Variants in ZNF649 observed in about 807,000 individuals in gnomAD.
ZNF649 encodes zinc finger protein 649.
A neutral mutation model predicts 14.1 loss-of-function variants in ZNF649; 7 were observed. The ratio of observed to expected loss-of-function variants is 0.49; its 90% CI spans 0.28 to 0.93. The LOEUF is 0.93. ZNF649 is among the 40% of genes least tolerant of loss of function. The probability of loss-of-function intolerance (pLI) is 0.10; values close to 1 mark genes in which losing one functional copy is unlikely to be tolerated. For missense variants in ZNF649, 544 were observed against 608.1 expected, an observed-to-expected ratio of 0.89 and a Z score of 1.11; for synonymous variants, 227 against 212.3, an observed-to-expected ratio of 1.07 and a Z score of -0.60.
rs759632544 is a variant in ZNF649 at position 51,891,585 on chromosome 19, CCA to C, written c.549_550del (p.Cys183TrpfsTer12). The C allele has an allele frequency of 3.1e-6, 5 of 1,614,220 alleles. No homozygotes were observed. Among genetic ancestry groups the C allele is most frequent in the East Asian group, 2.2e-5 (1 of 44,882 alleles). On this transcript the variant is annotated frameshift_variant, in exon 5 of 5. Coordinates refer to ENST00000354957, the MANE Select transcript of ZNF649 (RefSeq NM_023074.4). LOFTEE classifies it low-confidence loss of function (END_TRUNC). This position sits in a 1 kb window ranked among gnomAD's most constrained non-coding sequence, Gnocchi z 4.2. ...CTGAGACTTCTTGAGGAAAGCTTTC[CCA>C]CAGTCAGTGCATTCATGGGCTTTCT...
intron 4 of ZNF649, among the ~76,000 whole-genome samples, chr19:51,892,437 G>C (rs1314023512): frequency 6.6e-6 from 1 of 152,008 alleles, no homozygotes; most frequent in Non-Finnish European, 1.5e-5. Context: ...CCAGCACTTT[G>C]GGAGGGTGAG....
chr19:51,901,888 C>G (rs1053005970), intron 1 of ZNF649, among the ~76,000 whole-genome samples: 4 of 143,422 alleles, frequency 2.8e-5, no homozygotes, highest in African/African-American at 1.1e-4. Context: ...GAGGTTGAGA[C>G]TGCAGTGAGT....
chr19:51,889,296 G>C lies in ZNF649; in HGVS notation c.*1322C>G, dbSNP rs1293528070. On this transcript the variant is annotated 3_prime_UTR_variant, in exon 5 of 5. Transcript: ENST00000354957. ...AATGTCCTTGAAGTTAGAATGATAA[G>C]TTCATGATTTTCTTTCAGTCAGTTC... 1 of 152,144 alleles carries C rather than the reference G, an allele frequency of 6.6e-6. No homozygotes were observed. Among genetic ancestry groups the C allele is most frequent in the Non-Finnish European group, 1.5e-5 (1 of 68,032 alleles). The allele number at this position is 152,144 out of a possible 1,614,324, so 9.4% of individuals were successfully genotyped here.
At chr19:51,900,934 A>G (rs944576669) in intron 1 of ZNF649, among the ~76,000 whole-genome samples, 5 of 152,226 alleles carry the variant, frequency 3.3e-5, no homozygotes, top group African/African-American at 9.7e-5. Context: ...CTCAGTCTAT[A>G]ATTATATTCA....
chr19:51,898,128 G>A (rs2085074638), intron 2 of ZNF649, among the ~76,000 whole-genome samples: 2 of 150,580 alleles, frequency 1.3e-5, no homozygotes, highest in African/African-American at 2.4e-5. Context: ...ATGAATCTGT[G>A]GTTCTTTCTG....
At chr19:51,898,602 G>A (rs1037990102) in intron 2 of ZNF649, among the ~76,000 whole-genome samples, 8 of 151,870 alleles carry the variant, frequency 5.3e-5, no homozygotes, top group African/African-American at 7.3e-5. Context: ...GAGCTTCTAC[G>A]ACGTGGGCAT....
chr19:51,897,860 G>A (rs933906348), intron 2 of ZNF649, among the ~76,000 whole-genome samples: 5 of 151,964 alleles, frequency 3.3e-5, no homozygotes, highest in Admixed American at 2.0e-4. Context: ...GATGTCTCAC[G>A]CCTGTAAACC....
In ZNF649 at chr19:51,891,754, C is replaced by T; in HGVS notation, c.382G>A (p.Glu128Lys). The T allele has an allele frequency of 1.2e-6, 2 of 1,613,810 alleles. No homozygotes were observed. The highest frequency in any genetic ancestry group is 1.7e-6 in the Non-Finnish European group (2 of 1,179,972). Residue 128 changes from glutamate to lysine, a missense_variant, in exon 5 of 5, where the codon GAG (glutamate) becomes AAG (lysine). Transcript: ENST00000354957. This position sits in a 1 kb window ranked among gnomAD's most constrained non-coding sequence, Gnocchi z 4.2. ...TNQSRRYNRK[E>K]PAEFNGDGAF... ...CCATCTCCATTAAACTCAGCAGGCT[C>T]CTTTCTGTTGTATCTTCTGCTCTGG...
intron 4 of ZNF649, among the ~76,000 whole-genome samples, chr19:51,893,417 GTT>G (rs2085037704): frequency 6.6e-6 from 1 of 151,950 alleles, no homozygotes; most frequent in African/African-American, 2.4e-5. Flanking sequence ...AGTGATGTGT[GTT>G]TTTTCCACTT....
At chr19:51,898,113 A>C (rs999245092) in intron 2 of ZNF649, among the ~76,000 whole-genome samples, 4 of 151,812 alleles carry the variant, frequency 2.6e-5, no homozygotes, top group Non-Finnish European at 5.9e-5. Context: ...AAAAAAAAAA[A>C]AACTATGAAT....
Position 51,890,180 on chromosome 19 carries a change from A to C in ZNF649, c.*438T>G, listed in dbSNP as rs1444810922. 1 of 156,780 alleles carries C rather than the reference A, an allele frequency of 6.4e-6. No homozygotes were observed. The highest frequency in any genetic ancestry group is 1.4e-5 in the Non-Finnish European group (1 of 70,776). The allele number at this position is 156,780 out of a possible 1,614,324, so 9.7% of individuals were successfully genotyped here. A position where few individuals can be genotyped will look rare whatever the true frequency, so the allele number is the denominator to read the frequency against. On this transcript the variant is annotated 3_prime_UTR_variant, in exon 5 of 5. Transcript: ENST00000354957. Reference sequence around the variant, plus strand: ...GGAAAAAAGATTAGTGAACTGAAAGACATAGCTATGAGAACTATAAAAAAT... The same window carrying C: ...GGAAAAAAGATTAGTGAACTGAAAGCCATAGCTATGAGAACTATAAAAAAT...
chr19:51,897,419 C>A (rs997438113), intron 2 of ZNF649, among the ~76,000 whole-genome samples: 12 of 152,114 alleles, frequency 7.9e-5, no homozygotes, highest in African/African-American at 2.7e-4. Context: ...GCCATTAAAT[C>A]CTCTTGCTAA....
At chr19:51,893,299 T>A (rs572042941) in intron 4 of ZNF649, among the ~76,000 whole-genome samples, 1 of 151,988 alleles carries the variant, frequency 6.6e-6, no homozygotes, top group East Asian at 1.9e-4. Flanking sequence ...CTGATTCTCA[T>A]AAAGATATTC....
chr19:51,895,866 G>T (rs996039134), intron 4 of ZNF649, among the ~76,000 whole-genome samples: 1 of 152,138 alleles, frequency 6.6e-6, no homozygotes, highest in Non-Finnish European at 1.5e-5. Flanking sequence ...TGAGGAGAGG[G>T]TCTTGGGAAC....
chr19:51,899,863 C>T, intron 2 of ZNF649: 1 of 384,972 alleles, frequency 2.6e-6, no homozygotes. Flanking sequence ...ATGTAGCCAA[C>T]AGGGTCTGGC....
At chr19:51,895,093 G>A (rs1342366298) in intron 4 of ZNF649, among the ~76,000 whole-genome samples, 1 of 152,198 alleles carries the variant, frequency 6.6e-6, no homozygotes, top group African/African-American at 2.4e-5. Context: ...CCAGGCCCTT[G>A]ACTCCAGAGT....
Position 51,891,002 on chromosome 19 carries a change from T to C in ZNF649, c.1134A>G (p.Glu378=). 6.2e-7 allele frequency: 1 copy of C among 1,614,182 alleles called. No individual in the cohort carries two copies. Among genetic ancestry groups the C allele is most frequent in the Admixed American group, 1.7e-5 (1 of 60,026 alleles). Residue 378 remains glutamate (E), a synonymous_variant, in exon 5 of 5, where the codon GAA becomes GAG. Transcript: ENST00000354957. This position sits in a 1 kb window ranked among gnomAD's most constrained non-coding sequence, Gnocchi z 4.2. Reference sequence around the variant, plus strand: ...ACTTCTGTGAACAGGGTTGCCCACATTCAGGACATACAAAGGGAGTCTTTC... The same window carrying C: ...ACTTCTGTGAACAGGGTTGCCCACACTCAGGACATACAAAGGGAGTCTTTC... ...HTGKTPFVCP[E]CGQPCSQKSG... is the part of the protein sequence containing the mutation.
At position 51,891,030 on chromosome 19, in the gene ZNF649, G is replaced by A. The variant is rs1321286876; in HGVS notation, c.1106C>T (p.Thr369Ile). The change falls in exon 5 of 5, where the codon ACA becomes ATA. Residue 369 changes from threonine (T) to isoleucine (I), a missense_variant. Thr to Ile is a moderately conservative substitution (Grantham distance 89, BLOSUM62 -1). Coordinates refer to ENST00000354957, the MANE Select transcript of ZNF649 (RefSeq NM_023074.4). The surrounding 1 kb of genome is among the most constrained non-coding windows in gnomAD (Gnocchi z 4.2). ...AGGACATACAAAGGGAGTCTTTCCT[G>A]TATGATATCTCTGATGTGCTACAAG... Reference protein sequence around the residue: ...SCLVAHQRYHTGKTPFVCPEC... With the variant: ...SCLVAHQRYHIGKTPFVCPEC... 4 of 1,614,206 alleles carry A rather than the reference G, an allele frequency of 2.5e-6. No homozygotes were observed. The highest frequency in any genetic ancestry group is 1.6e-4 in the Middle Eastern group (1 of 6,062).
At chr19:51,898,818 CAGG>C (rs2085079159) in intron 2 of ZNF649, among the ~76,000 whole-genome samples, 1 of 151,904 alleles carries the variant, frequency 6.6e-6, no homozygotes, top group African/African-American at 2.4e-5. Context: ...GAGGCTGAGG[CAGG>C]AGAATTGCTT....
Sources: gnomAD v4.1 joint callset for allele counts (sites outside exome capture counted in the v4.1 genomes callset) on GRCh38, gnomAD v4.1.1 for gene constraint, Gnocchi (gnomAD v3.1) non-coding constraint, MANE v1.5 for transcripts, NCBI Gene and HGNC (gene_info 2026-07-23, HGNC 2026-07-21) for gene names.